BAIAP2L1: variants seen among roughly 807,000 people sequenced by gnomAD.
BAIAP2L1 encodes BAR/IMD domain containing adaptor protein 2 like 1, also known as BAR/IMD domain-containing adapter protein 2-like 1.
BAIAP2L1 carries 35 observed loss-of-function variants against 66.3 expected under a neutral mutation model. The observed-to-expected ratio is 0.53, with a 90% CI of 0.40 to 0.70. The LOEUF (loss-of-function observed/expected upper bound fraction) is 0.70, where lower values mean the gene tolerates loss of function less well. Among genes scored for constraint, BAIAP2L1 ranks in the 30% least tolerant of loss-of-function variants. BAIAP2L1 has a pLI of 0.00. For missense variants in BAIAP2L1, 622 were observed against 656.9 expected (o/e 0.95, Z 0.58); for synonymous variants, 269 against 248.7 (o/e 1.08, Z -0.77).
At chr7:98,294,028 A>G (rs1584407997) in intron 13 of BAIAP2L1, 46 bp downstream of exon 13, 1 of 1,603,484 alleles carries the variant, frequency 6.2e-7, no homozygotes, top group South Asian at 1.1e-5. Context: ...CACTACAGGG[A>G]AGAGCAATGT....
intron 1 of BAIAP2L1, among the ~76,000 whole-genome samples, chr7:98,378,086 T>C (rs1802675394): frequency 6.6e-6 from 1 of 151,910 alleles, no homozygotes; most frequent in Admixed American, 6.6e-5. Context: ...GAGGCGGCAG[T>C]TGCAGTGAGC....
rs141494671 is a variant in BAIAP2L1, at chr7:98,307,796, C to T, written c.1056G>A (p.Ala352=). The change falls in exon 10 of 14, where the codon GCG becomes GCA. Residue 352 remains alanine, a synonymous_variant. Coordinates refer to ENST00000005260, the MANE Select transcript of BAIAP2L1 (RefSeq NM_018842.5). ...QKVKTIFPHT[A]GSNKTLLSFA... ...AGCTGAGTAAGGTCTTGTTGGAGCCCGCAGTGTGCGGGAAGATGGTCTTCA... is the reference window on the plus strand; with the variant it reads ...AGCTGAGTAAGGTCTTGTTGGAGCCTGCAGTGTGCGGGAAGATGGTCTTCA... 1.6e-5 allele frequency: 26 copies of T among 1,614,230 alleles called. No homozygotes were observed. The East Asian group carries it at 3.1e-4, about 19-fold the overall frequency.
At chr7:98,393,175 A>ATATACACACATGTG (rs1554341927) in intron 1 of BAIAP2L1, among the ~76,000 whole-genome samples, 1 of 138,098 alleles carries the variant, frequency 7.2e-6, no homozygotes, top group African/African-American at 2.7e-5. Flanking sequence ...ATGTATATAT[A>ATATACACACATGTG]TACATATATG....
Position 98,315,367 on chromosome 7 carries a change from A to G in BAIAP2L1, c.639+93T>C, listed in dbSNP as rs950304588. 8 of 1,216,036 alleles carry G rather than the reference A, an allele frequency of 6.6e-6. No individual in the cohort carries two copies. In the African/African-American group the frequency reaches 1.2e-4, roughly 19 times the overall value. The allele number at this position is 1,216,036 out of a possible 1,614,324, so 75.3% of individuals were successfully genotyped here. ...CACCTCAGCCTCCCAAAGTGCTGGG[A>G]TTACAGGCGTGGGCCACGGCCCAGC... is the stretch of plus-strand genomic sequence containing the variant. On this transcript the variant is annotated intron_variant, in intron 7 of 13. Transcript: ENST00000005260.
chr7:98,312,754 G>C (rs1800918271), intron 7 of BAIAP2L1, among the ~76,000 whole-genome samples: 1 of 52,490 alleles, frequency 1.9e-5, no homozygotes, highest in South Asian at 4.3e-4. Context: ...ATGGGGAAGA[G>C]GGACTGGGTG....
intron 1 of BAIAP2L1, among the ~76,000 whole-genome samples, chr7:98,389,665 G>C (rs74447050): frequency 0.024 from 3,625 of 152,100 alleles, 66 homozygotes; most frequent in Non-Finnish European, 0.038. Context: ...TTATTACCAC[G>C]CTTGTACCTC....
At chr7:98,327,310 G>T (rs934698915) in intron 3 of BAIAP2L1, among the ~76,000 whole-genome samples, 2 of 151,802 alleles carry the variant, frequency 1.3e-5, no homozygotes, top group African/African-American at 4.8e-5. Flanking sequence ...GCAGTAAGCT[G>T]AGATCATGCC....
At chr7:98,337,792 C>T (rs1047222416) in intron 3 of BAIAP2L1, among the ~76,000 whole-genome samples, 1 of 152,080 alleles carries the variant, frequency 6.6e-6, no homozygotes, top group Admixed American at 6.6e-5. Flanking sequence ...GTGACGTGCA[C>T]CTGTAATCCC....
At position 98,374,628 on chromosome 7, in the gene BAIAP2L1, CT is replaced by C. The variant is rs995218970; in HGVS notation, c.52-12197del. On this transcript the variant is annotated intron_variant, in intron 1 of 13. Coordinates refer to ENST00000005260, the MANE Select transcript of BAIAP2L1 (RefSeq NM_018842.5). ...AGTGATTGTAGGTGTCTCTATAGTA[CT>C]TTTTTTTTTCTTTTTAGAAGCTTTC... Among the ~76,000 whole-genome samples the C allele has an allele frequency of 3.1e-4, 47 of 149,858 alleles. 1 individual carries two copies. The East Asian group carries it at 3.7e-3, about 12-fold the overall frequency.
rs73391036 is a variant in BAIAP2L1 at position 98,298,112 on chromosome 7, T to C, written c.1423-4001A>G. Among the ~76,000 whole-genome samples, 973 of 152,254 alleles carry C rather than the reference T, an allele frequency of 6.4e-3. 15 individuals are homozygous for C. Among genetic ancestry groups the C allele is most frequent in the African/African-American group, 0.023 (939 of 41,560 alleles). ...TATCACGTGACCTGTGGCAAACCCC[T>C]AGCTTGAGTCCTGGCAAGTCTCCCC... On this transcript the variant is annotated intron_variant, in intron 12 of 13. Transcript: ENST00000005260.
chr7:98,335,609 TTCAG>T (rs1423783500), intron 3 of BAIAP2L1, among the ~76,000 whole-genome samples: 10 of 152,200 alleles, frequency 6.6e-5, no homozygotes, highest in South Asian at 2.1e-4. Context: ...GATACACTCA[TTCAG>T]TCAATCAACA....
rs1202223316 is a variant in BAIAP2L1, at chr7:98,359,783, A to G, written c.127+2574T>C. On this transcript the variant is annotated intron_variant, in intron 2 of 13. Transcript: ENST00000005260. Reference sequence around the variant, plus strand: ...TTTTTTTTTTTAATTTTTTTGAGACAGGGTCTTGCTCTGTCTCCTAGGCTG... The same window carrying G: ...TTTTTTTTTTTAATTTTTTTGAGACGGGGTCTTGCTCTGTCTCCTAGGCTG... Among the ~76,000 whole-genome samples the G allele has an allele frequency of 2.9e-5, 4 of 138,416 alleles. No individual in the cohort carries two copies. The Admixed American group carries it at 3.1e-4, about 11-fold the overall frequency. 90.8% of individuals were successfully genotyped at this position (138,416 alleles called of 152,430 possible). A position where few individuals can be genotyped will look rare whatever the true frequency, so the allele number is the denominator to read the frequency against.
chr7:98,383,529 C>A (rs1802812586), intron 1 of BAIAP2L1, among the ~76,000 whole-genome samples: 1 of 151,918 alleles, frequency 6.6e-6, no homozygotes, highest in South Asian at 2.1e-4. Flanking sequence ...TCAGGTGATC[C>A]ACCCACCTCG....
intron 1 of BAIAP2L1, among the ~76,000 whole-genome samples, chr7:98,383,740 T>TATAC (rs1802818838): frequency 6.6e-6 from 1 of 152,256 alleles, no homozygotes; most frequent in Non-Finnish European, 1.5e-5. Context: ...ACCAACTCTG[T>TATAC]AAAGTCTCAC....
chr7:98,312,757 A>ATT (rs1754333917), intron 7 of BAIAP2L1, among the ~76,000 whole-genome samples: 1 of 51,598 alleles, frequency 1.9e-5, no homozygotes, highest in Non-Finnish European at 4.5e-5. Context: ...GGGAAGAGGG[A>ATT]CTGGGTGAGT....
chr7:98,322,574 G>C (rs10953256), intron 3 of BAIAP2L1, among the ~76,000 whole-genome samples: 61,266 of 152,046 alleles, frequency 0.4, 13,327 homozygotes, highest in Middle Eastern at 0.55. Flanking sequence ...CTGCCCAGGA[G>C]AGAAGGCATG....
chr7:98,338,839 T>C (rs1373143832), intron 3 of BAIAP2L1, among the ~76,000 whole-genome samples: 6 of 152,022 alleles, frequency 3.9e-5, no homozygotes, highest in East Asian at 1.9e-4. Flanking sequence ...TTTGGGAGGC[T>C]GAGGTGGGCG....
rs960149868 is a variant in BAIAP2L1 at position 98,320,006 on chromosome 7, C to G, written c.348+52G>C. On this transcript the variant is annotated intron_variant, in intron 5 of 13. Transcript: ENST00000005260. Reference sequence around the variant, plus strand: ...ACAGTGGGAACGAGTTCTCCCCAGGCTGGGAGGTCAGGCAGCCCAAGGCTG... The same window carrying G: ...ACAGTGGGAACGAGTTCTCCCCAGGGTGGGAGGTCAGGCAGCCCAAGGCTG... 4 of 1,469,432 alleles carry G rather than the reference C, an allele frequency of 2.7e-6. No homozygotes were observed. In the African/African-American group the frequency reaches 4.2e-5, roughly 15 times the overall value. The allele number at this position is 1,469,432 out of a possible 1,614,324, so 91.0% of individuals were successfully genotyped here. A position where few individuals can be genotyped will look rare whatever the true frequency, so the allele number is the denominator to read the frequency against.
chr7:98,400,527 A>G (rs1162921837), intron 1 of BAIAP2L1, among the ~76,000 whole-genome samples: 17 of 111,140 alleles, frequency 1.5e-4, no homozygotes, highest in Admixed American at 7.2e-4. Context: ...CGGGGCGGGA[A>G]AGAGAGACAG....
Sources: gnomAD v4.1 joint callset for allele counts (sites outside exome capture counted in the v4.1 genomes callset) on GRCh38, gnomAD v4.1.1 for gene constraint, MANE v1.5 for transcripts, NCBI Gene and HGNC (gene_info 2026-07-23, HGNC 2026-07-21) for gene names.